SLX4: variants seen among roughly 807,000 people sequenced by gnomAD.
SLX4 encodes SLX4 structure-specific endonuclease subunit, also known as structure-specific endonuclease subunit SLX4.
In SLX4, 112 loss-of-function variants were observed where a neutral mutation model predicts 146.2. The observed-to-expected ratio is 0.77, with a 90% CI of 0.66 to 0.90. The LOEUF is 0.90. Ranked by LOEUF, SLX4 falls within the 40% of genes least tolerant of loss-of-function variation. The pLI is 0.00. For synonymous variants in SLX4, 1,061 were observed against 997.7 expected (o/e 1.06, Z -1.20); for missense variants, 2,563 against 2,392.7 (o/e 1.07, Z -1.49).
chr16:3,589,244 C>G lies in SLX4; in HGVS notation c.4394G>C (p.Arg1465Pro). The G allele has an allele frequency of 1.2e-6, 2 of 1,606,802 alleles. No homozygotes were observed. Among genetic ancestry groups the G allele is most frequent in the Non-Finnish European group, 1.7e-6 (2 of 1,175,036 alleles). The change falls in exon 12 of 15, where the codon CGT becomes CCT. Residue 1465 changes from arginine to proline, a missense_variant. By Grantham distance (103) the Arg-to-Pro change is moderately radical. Coordinates refer to ENST00000294008, the MANE Select transcript of SLX4 (RefSeq NM_032444.4). The surrounding 1 kb of genome is among the most constrained non-coding windows in gnomAD (Gnocchi z 6.2). ...SRRMNEAADSRDCRSPGLLDT... is the reference protein window; with the variant it reads ...SRRMNEAADSPDCRSPGLLDT... ...CAGGAGTCCCGGGGAGCGACAGTCA[C>G]GGCTGTCGGCGGCCTCGTTCATCCT...
intron 12 of SLX4, among the ~76,000 whole-genome samples, chr16:3,588,460 C>G (rs2040533491): frequency 6.6e-6 from 1 of 152,214 alleles, no homozygotes; most frequent in South Asian, 2.1e-4. Context: ...CTAGATGGAC[C>G]ACGTTTGGTT....
rs1006949768 is a variant in SLX4, at chr16:3,609,221, A to G, written c.-257T>C. The G allele has an allele frequency of 2.4e-6, 1 of 420,610 alleles. No homozygotes were observed. The highest frequency in any genetic ancestry group is 2.0e-5 in the African/African-American group (1 of 50,272). 26.1% of individuals were successfully genotyped at this position (420,610 alleles called of 1,614,324 possible). Reference sequence around the variant, plus strand: ...CAGAAGTTCGAGACCAGCCTGGCCAATATGGTGAAACCTCGTTTCAACTGA... The same window carrying G: ...CAGAAGTTCGAGACCAGCCTGGCCAGTATGGTGAAACCTCGTTTCAACTGA... On this transcript the variant is annotated 5_prime_UTR_variant, in exon 2 of 15. Transcript: ENST00000294008.
At position 3,597,496 on chromosome 16, in the gene SLX4, TGGA is replaced by T. The variant is rs761510940; in HGVS notation, c.1563_1565del (p.Pro523del). The T allele has an allele frequency of 1.9e-6, 3 of 1,613,802 alleles. No individual in the cohort carries two copies. In the Admixed American group the frequency reaches 5.0e-5, roughly 27 times the overall value. ...ACAGAAAGCTCTGCTTGCGTTCAGG[TGGA>T]GGAGGACACTGGCCCGCTCTTTCCC... On this transcript the variant is annotated inframe_deletion, in exon 7 of 15. Transcript: ENST00000294008. The surrounding 1 kb of genome is among the most constrained non-coding windows in gnomAD (Gnocchi z 4.4).
intron 5 of SLX4, among the ~76,000 whole-genome samples, chr16:3,598,824 C>T (rs959685290): frequency 5.9e-5 from 9 of 152,318 alleles, no homozygotes; most frequent in East Asian, 1.9e-4. Flanking sequence ...AGCCTGGGAC[C>T]CTGCTTCTGT....
At chr16:3,592,401 C>T (rs1037035793) in intron 11 of SLX4, among the ~76,000 whole-genome samples, 8 of 152,262 alleles carry the variant, frequency 5.3e-5, no homozygotes, top group Non-Finnish European at 1.2e-4. Context: ...TGTTGGGGGG[C>T]GCTGTAGCCA....
intron 8 of SLX4, 95 bp from the exon 9 acceptor site, chr16:3,595,788 C>CG: frequency 7.1e-7 from 1 of 1,412,314 alleles, no homozygotes; most frequent in Non-Finnish European, 9.9e-7. Flanking sequence ...CCAGCCCCTG[C>CG]GGTGCCTCGG....
chr16:3,589,129 C>G lies in SLX4; in HGVS notation c.4509G>C (p.Pro1503=), dbSNP rs755864079. ...SGAGSLGNSR[P]SFLNSALWDV... ...CCCACAGAGCCGAATTCAGAAAGCT[C>G]GGCCTGCTATTCCCCAGGGAGCCCG... The change falls in exon 12 of 15, where the codon CCG becomes CCC. Residue 1503 remains proline (P), a synonymous_variant. Coordinates refer to ENST00000294008, the MANE Select transcript of SLX4 (RefSeq NM_032444.4). The surrounding 1 kb of genome is among the most constrained non-coding windows in gnomAD (Gnocchi z 6.2). The G allele has an allele frequency of 3.7e-6, 6 of 1,614,110 alleles. No homozygotes were observed. The highest frequency in any genetic ancestry group is 5.1e-6 in the Non-Finnish European group (6 of 1,180,000).
chr16:3,587,331 A>C (rs931173193), intron 12 of SLX4, among the ~76,000 whole-genome samples: 1 of 152,078 alleles, frequency 6.6e-6, no homozygotes, highest in Non-Finnish European at 1.5e-5. Context: ...ACCCGACTCT[A>C]CTAAAAATAC....
At position 3,591,125 on chromosome 16, in the gene SLX4, T is replaced by C. The variant is rs1060501794; in HGVS notation, c.2513A>G (p.Asp838Gly). 8 of 1,614,116 alleles carry C rather than the reference T, an allele frequency of 5.0e-6. No homozygotes were observed. The highest frequency in any genetic ancestry group is 1.3e-5 in the African/African-American group (1 of 74,944). ...CACGTTTTCTTGATCTTCTTCGTGG[T>C]CCTTGGATTTCAACAAAGTCTCCGC... ...EEAETLLKSK[D>G]HEEDQENVNE... is the part of the protein sequence containing the mutation. The change falls in exon 12 of 15, where the codon GAC becomes GGC. Residue 838 changes from aspartate (D) to glycine (G), a missense_variant. Coordinates refer to ENST00000294008, the MANE Select transcript of SLX4 (RefSeq NM_032444.4).
In SLX4 at chr16:3,595,604, C is replaced by G; in HGVS notation, c.2013+1G>C. 1 of 1,613,838 alleles carries G rather than the reference C, an allele frequency of 6.2e-7. No individual in the cohort carries two copies. Among genetic ancestry groups the G allele is most frequent in the Non-Finnish European group, 8.5e-7 (1 of 1,180,018 alleles). On this transcript the variant is annotated splice_donor_variant, in intron 9 of 14. Coordinates refer to ENST00000294008, the MANE Select transcript of SLX4 (RefSeq NM_032444.4). LOFTEE classifies it high-confidence loss of function. ...GAGCGCGGGCCAGAGCCAGTTCTTA[C>G]CAAGGTGCGGCCGCCCCTGTCCGGG... is the stretch of plus-strand genomic sequence containing the variant.
Position 3,591,129 on chromosome 16 carries a change from T to C in SLX4, c.2509A>G (p.Lys837Glu). 1.2e-6 allele frequency: 2 copies of C among 1,614,238 alleles called. No homozygotes were observed. The highest frequency in any genetic ancestry group is 1.7e-6 in the Non-Finnish European group (2 of 1,180,040). The part of the protein sequence containing the change: ...EEEAETLLKS[K>E]DHEEDQENVN... The stretch of plus-strand genomic sequence containing the variant: ...TTTTCTTGATCTTCTTCGTGGTCCT[T>C]GGATTTCAACAAAGTCTCCGCTTCC... The change falls in exon 12 of 15, where the codon AAG (lysine) becomes GAG (glutamate). Residue 837 changes from lysine (K) to glutamate (E), a missense_variant. Transcript: ENST00000294008.
intron 2 of SLX4, 89 bp from the exon 3 acceptor site, chr16:3,606,787 A>G: frequency 7.1e-7 from 1 of 1,404,964 alleles, no homozygotes; most frequent in Non-Finnish European, 1.0e-6. Context: ...CGCAAGTTTC[A>G]AGAGTCCTTT....
rs115866745 is a variant in SLX4 at position 3,594,566 on chromosome 16, C to T, written c.2047G>A (p.Ala683Thr). The T allele has an allele frequency of 1.5e-4, 239 of 1,614,056 alleles. 1 individual carries two copies. In the African/African-American group the frequency reaches 2.4e-3, roughly 16 times the overall value. The stretch of plus-strand genomic sequence containing the variant: ...CTCAGGTGTGGGTTATTGACCATGG[C>T]GCCAAAGTCAGCAACCAGCAGCCCG... ...SLGLLVADFG[A>T]MVNNPHLSDV... Residue 683 changes from alanine (A) to threonine (T), a missense_variant, in exon 10 of 15, where the codon GCC (alanine) becomes ACC (threonine). By Grantham distance (58) the Ala-to-Thr change is moderately conservative. Transcript: ENST00000294008.
rs1221559398 is a variant in SLX4 at position 3,582,324 on chromosome 16, G to A, written c.*18C>T. ...GGGGCTGCTGATGGCAGGTTGGGGTGGGGTCGGGATGGCCCCATCAGTTCC... is the reference window on the plus strand; with the variant it reads ...GGGGCTGCTGATGGCAGGTTGGGGTAGGGTCGGGATGGCCCCATCAGTTCC... On this transcript the variant is annotated 3_prime_UTR_variant, in exon 15 of 15. Coordinates refer to ENST00000294008, the MANE Select transcript of SLX4 (RefSeq NM_032444.4). The A allele has an allele frequency of 1.9e-6, 3 of 1,602,328 alleles. No homozygotes were observed. Among genetic ancestry groups the A allele is most frequent in the East Asian group, 4.5e-5 (2 of 44,772 alleles).
chr16:3,596,536 C>T, intron 7 of SLX4, 143 bp from the exon 8 acceptor site: 1 of 1,016,386 alleles, frequency 9.8e-7, no homozygotes, highest in Non-Finnish European at 1.4e-6. Flanking sequence ...GTCCCCGGGG[C>T]TCCAGCCACA....
At chr16:3,610,731 T>C (rs1189063495) in intron 1 of SLX4, among the ~76,000 whole-genome samples, 1 of 152,216 alleles carries the variant, frequency 6.6e-6, no homozygotes, top group Non-Finnish European at 1.5e-5. Context: ...GATCCATCTA[T>C]TACTTTGCAA....
chr16:3,597,437 A>C lies in SLX4; in HGVS notation c.1625T>G (p.Met542Arg). Reference protein sequence around the residue: ...EGSALTGAWAMEDFYTARLVP... With the variant: ...EGSALTGAWAREDFYTARLVP... ...CAGCCTGGCCGTGTAGAAGTCCTCC[A>C]TGGCCCAGGCCCCAGTCAGTGCGCT... The change falls in exon 7 of 15, where the codon ATG (methionine) becomes AGG (arginine). Residue 542 changes from methionine to arginine, a missense_variant. Physicochemically the swap from Met to Arg is moderately conservative, Grantham distance 91. Coordinates refer to ENST00000294008, the MANE Select transcript of SLX4 (RefSeq NM_032444.4). This position sits in a 1 kb window ranked among gnomAD's most constrained non-coding sequence, Gnocchi z 4.4. 3.7e-6 allele frequency: 6 copies of C among 1,609,994 alleles called. No homozygotes were observed. Among genetic ancestry groups the C allele is most frequent in the Non-Finnish European group, 5.1e-6 (6 of 1,178,404 alleles).
rs566770565 is a variant in SLX4, at chr16:3,600,329, C to T, written c.1163+650G>A. On this transcript the variant is annotated intron_variant, in intron 5 of 14. Transcript: ENST00000294008. The stretch of plus-strand genomic sequence containing the variant: ...GTTCCTAACAGGCCACAGACCGGTA[C>T]TGGTCCGAGGCTGGGGGGTTGGGGA... Among the ~76,000 whole-genome samples the T allele has an allele frequency of 5.3e-5, 8 of 152,308 alleles. No individual in the cohort carries two copies. In the East Asian group the frequency reaches 1.5e-3, roughly 29 times the overall value.
In SLX4 at chr16:3,609,132, G is replaced by T; in HGVS notation, c.-168C>A. On this transcript the variant is annotated 5_prime_UTR_variant, in exon 2 of 15. Transcript: ENST00000294008. ...TAAAGTCCACAACTGGGCCGGGCGC[G>T]GTGGCTCACACTTGTAATCCCAGCT... is the stretch of plus-strand genomic sequence containing the variant. 1.3e-6 allele frequency: 1 copy of T among 766,534 alleles called. No homozygotes were observed. Among genetic ancestry groups the T allele is most frequent in the Non-Finnish European group, 2.1e-6 (1 of 480,246 alleles). The allele number at this position is 766,534 out of a possible 1,614,324, so 47.5% of individuals were successfully genotyped here. A position where few individuals can be genotyped will look rare whatever the true frequency, so the allele number is the denominator to read the frequency against.
Sources: gnomAD v4.1 joint callset for allele counts (sites outside exome capture counted in the v4.1 genomes callset) on GRCh38, gnomAD v4.1.1 for gene constraint, Gnocchi (gnomAD v3.1) non-coding constraint, MANE v1.5 for transcripts, NCBI Gene and HGNC (gene_info 2026-07-23, HGNC 2026-07-21) for gene names.